The following PTPRD variants were observed in gnomAD, a reference collection of about 807,000 sequenced individuals.
PTPRD encodes protein tyrosine phosphatase receptor type D, also known as receptor-type tyrosine-protein phosphatase delta.
A neutral mutation model predicts 214.5 loss-of-function variants in PTPRD; 34 were observed. The observed-to-expected ratio is 0.16, with a 90% CI of 0.12 to 0.21. The LOEUF (loss-of-function observed/expected upper bound fraction) is 0.21, where lower values mean the gene tolerates loss of function less well. PTPRD is among the 10% of genes least tolerant of loss of function. The pLI is 1.00. For missense variants in PTPRD, 2,545 were observed against 2,398.7 expected, an observed-to-expected ratio of 1.06 and a Z score of -1.27; for synonymous variants, 1,128 against 845.7, an observed-to-expected ratio of 1.33 and a Z score of -5.79.
intron 11 of PTPRD, among the ~76,000 whole-genome samples, chr9:8,849,307 C>A (rs1270503845): frequency 6.6e-6 from 1 of 151,628 alleles, no homozygotes; most frequent in East Asian, 2.0e-4. Flanking sequence ...TCCCGAGTAG[C>A]TGGGACTATA....
At chr9:8,926,626 T>G (rs1567041610) in intron 11 of PTPRD, among the ~76,000 whole-genome samples, 1 of 152,166 alleles carries the variant, frequency 6.6e-6, no homozygotes, top group Non-Finnish European at 1.5e-5. Flanking sequence ...CATGGAAAAT[T>G]CCCTGATTCT....
intron 9 of PTPRD, among the ~76,000 whole-genome samples, chr9:9,196,475 A>G (rs2099938708): frequency 6.6e-6 from 1 of 152,132 alleles, no homozygotes; most frequent in East Asian, 1.9e-4. Context: ...GTGTTCATAC[A>G]CTCTTTTATA....
chr9:8,396,668 C>A (rs889868397), intron 36 of PTPRD, among the ~76,000 whole-genome samples: 2 of 152,140 alleles, frequency 1.3e-5, no homozygotes, highest in Admixed American at 6.6e-5. Flanking sequence ...AATGCTTTTT[C>A]TCTTTTCCGG....
intron 10 of PTPRD, among the ~76,000 whole-genome samples, chr9:9,033,783 G>A (rs934318907): frequency 2.0e-5 from 3 of 151,950 alleles, no homozygotes; most frequent in African/African-American, 7.2e-5. Context: ...TCTCAGGCAT[G>A]AAACACCATG....
At chr9:10,294,068 G>A (rs1006066439) in intron 3 of PTPRD, among the ~76,000 whole-genome samples, 2 of 151,804 alleles carry the variant, frequency 1.3e-5, no homozygotes, top group African/African-American at 4.8e-5. Flanking sequence ...AAGTTCTATC[G>A]ACATTATTGC....
At chr9:10,537,614 T>A (rs1290619278) in intron 2 of PTPRD, among the ~76,000 whole-genome samples, 1 of 152,170 alleles carries the variant, frequency 6.6e-6, no homozygotes, top group Admixed American at 6.6e-5. Flanking sequence ...CCATCAAAGT[T>A]TTGTGCTTTT....
intron 2 of PTPRD, among the ~76,000 whole-genome samples, chr9:10,586,148 G>C (rs2073815788): frequency 6.6e-6 from 1 of 151,956 alleles, no homozygotes; most frequent in African/African-American, 2.4e-5. Context: ...ATTTTTCTGA[G>C]AATCCTGTTG....
rs146197479 is a variant in PTPRD, at chr9:8,863,013, G to A, written c.-103-129067C>T. 7.0e-3 allele frequency among the ~76,000 whole-genome samples: 1,063 copies of A among 152,122 alleles called. 11 individuals carry two copies. Among genetic ancestry groups the A allele is most frequent in the African/African-American group, 0.023 (972 of 41,508 alleles). ...GCGCACCAGCATGGCACATGTATAC[G>A]TATGTAACTAACCTGCACAATGTGT... On this transcript the variant is annotated intron_variant, in intron 11 of 45. Coordinates refer to ENST00000381196, the MANE Select transcript of PTPRD (RefSeq NM_002839.4).
At chr9:9,740,106 T>C (rs2098377108) in intron 6 of PTPRD, among the ~76,000 whole-genome samples, 1 of 152,168 alleles carries the variant, frequency 6.6e-6, no homozygotes, top group Non-Finnish European at 1.5e-5. Context: ...GCTCTATATG[T>C]ACTTAAAATT....
At chr9:10,261,866 A>G (rs1329668798) in intron 3 of PTPRD, among the ~76,000 whole-genome samples, 4 of 152,150 alleles carry the variant, frequency 2.6e-5, no homozygotes, top group African/African-American at 7.2e-5. Flanking sequence ...CTTAAGGTAT[A>G]CTAGTCTGCT....
intron 9 of PTPRD, among the ~76,000 whole-genome samples, chr9:9,202,782 G>A (rs2099942635): frequency 6.6e-6 from 1 of 152,152 alleles, no homozygotes; most frequent in Non-Finnish European, 1.5e-5. Context: ...CAGTTATGGG[G>A]ACTTTATAGC....
intron 2 of PTPRD, among the ~76,000 whole-genome samples, chr9:10,591,897 A>T (rs2075545289): frequency 1.3e-5 from 2 of 152,132 alleles, no homozygotes; most frequent in Non-Finnish European, 2.9e-5. Flanking sequence ...CTCCAGACTG[A>T]GTCAGTCCTG....
At chr9:9,527,578 T>C (rs1447759406) in intron 8 of PTPRD, among the ~76,000 whole-genome samples, 1 of 152,204 alleles carries the variant, frequency 6.6e-6, no homozygotes, top group Admixed American at 6.5e-5. Flanking sequence ...ACTCCAAATT[T>C]CTTAGAATTG....
At chr9:8,964,029 G>C (rs1291080414) in intron 11 of PTPRD, among the ~76,000 whole-genome samples, 1 of 151,636 alleles carries the variant, frequency 6.6e-6, no homozygotes, top group Non-Finnish European at 1.5e-5. Context: ...TTGTTTCTTT[G>C]CCAGGTTTTC....
chr9:9,632,990 A>G (rs1044139904), intron 7 of PTPRD, among the ~76,000 whole-genome samples: 2 of 152,088 alleles, frequency 1.3e-5, no homozygotes, highest in African/African-American at 2.4e-5. Context: ...TGAGACAAAA[A>G]GATGAAATTA....
chr9:8,747,300 A>C (rs1303973368), intron 11 of PTPRD, among the ~76,000 whole-genome samples: 2 of 152,162 alleles, frequency 1.3e-5, no homozygotes, highest in African/African-American at 4.8e-5. Context: ...AAAAAGGATA[A>C]ATATATATAC....
chr9:9,335,428 T>C (rs953200307), intron 9 of PTPRD, among the ~76,000 whole-genome samples: 5 of 152,122 alleles, frequency 3.3e-5, no homozygotes. Flanking sequence ...ATAGAAATTA[T>C]TTCTCACTAC....
rs1311470608 is a variant in PTPRD, at chr9:8,647,151, G to A, written c.65-10307C>T. 2.6e-5 allele frequency among the ~76,000 whole-genome samples: 4 copies of A among 152,184 alleles called. No individual in the cohort carries two copies. In the South Asian group the frequency reaches 6.2e-4, roughly 24 times the overall value. ...ATCATAGGACTGAAGTTTAGATGAA[G>A]CATAATATAACGTGATGAGTCTTTT... On this transcript the variant is annotated intron_variant, in intron 12 of 45. Coordinates refer to ENST00000381196, the MANE Select transcript of PTPRD (RefSeq NM_002839.4).
At chr9:9,091,872 T>A (rs1193625340) in intron 10 of PTPRD, among the ~76,000 whole-genome samples, 2 of 152,212 alleles carry the variant, frequency 1.3e-5, no homozygotes, top group East Asian at 3.8e-4. Context: ...TTGGGTTTTG[T>A]GTTGAGTGTG....
Sources: allele counts gnomAD v4.1 joint callset (sites outside exome capture counted in the v4.1 genomes callset), GRCh38; gene constraint gnomAD v4.1.1; transcripts MANE v1.5; gene names NCBI Gene and HGNC (gene_info 2026-07-23, HGNC 2026-07-21).